The following PLD1 variants were observed in gnomAD, a reference collection of about 807,000 sequenced individuals.
PLD1 encodes the protein choline phosphatase 1.
Under a neutral mutation model 137.1 loss-of-function variants are expected in PLD1, and 112 were observed. The ratio of observed to expected loss-of-function variants is 0.82; its 90% CI spans 0.70 to 0.96. PLD1 has a LOEUF of 0.96. Among genes scored for constraint, PLD1 ranks in the 40% least tolerant of loss-of-function variants. PLD1 has a pLI of 0.00. For missense variants in PLD1, 1,321 were observed against 1,342.0 expected, an observed-to-expected ratio of 0.98 and a Z score of 0.24; for synonymous variants, 431 against 454.7, an observed-to-expected ratio of 0.95 and a Z score of 0.66.
chr3:171,670,808 T>C lies in PLD1; in HGVS notation c.2229+3692A>G, dbSNP rs557360656. Among the ~76,000 whole-genome samples, 12 of 152,356 alleles carry C rather than the reference T, an allele frequency of 7.9e-5. No individual in the cohort carries two copies. In the South Asian group the frequency reaches 2.3e-3, roughly 29 times the overall value. Reference sequence around the variant, plus strand: ...TGATCAAGGTAAAAATTCTGAGCAATGGCTTCTATTTCTATTTAGTGATAA... The same window carrying C: ...TGATCAAGGTAAAAATTCTGAGCAACGGCTTCTATTTCTATTTAGTGATAA... On this transcript the variant is annotated intron_variant, in intron 19 of 26. Coordinates refer to ENST00000351298, the MANE Select transcript of PLD1 (RefSeq NM_002662.5).
chr3:171,735,617 G>A lies in PLD1; in HGVS notation c.309C>T (p.Tyr103=). ...STTRVPSINL[Y]TIELTHGEFK... ...ATTCCCCATGTGTTAATTCAATAGT[G>A]TAAAGATTAATACTTGGTACCTACA... Residue 103 remains tyrosine, a synonymous_variant, in exon 4 of 27, where the codon TAC becomes TAT. Transcript: ENST00000351298. 1.3e-6 allele frequency: 2 copies of A among 1,532,864 alleles called. No homozygotes were observed. The highest frequency in any genetic ancestry group is 1.1e-5 in the South Asian group (1 of 89,318). 95.0% of individuals were successfully genotyped at this position (1,532,864 alleles called of 1,614,324 possible). A position where few individuals can be genotyped will look rare whatever the true frequency, so the allele number is the denominator to read the frequency against.
chr3:171,695,538 A>G (rs1051140453), intron 12 of PLD1, among the ~76,000 whole-genome samples: 1 of 152,242 alleles, frequency 6.6e-6, no homozygotes, highest in Non-Finnish European at 1.5e-5. Context: ...TAGAGCAGAC[A>G]TAACACTATA....
intron 8 of PLD1, among the ~76,000 whole-genome samples, chr3:171,715,912 C>T (rs1717647662): frequency 1.3e-5 from 2 of 148,714 alleles, no homozygotes; most frequent in African/African-American, 4.9e-5. Context: ...TGATCCTTTC[C>T]CTCCTCCCAC....
intron 21 of PLD1, among the ~76,000 whole-genome samples, chr3:171,647,355 A>C (rs1329948279): frequency 6.6e-6 from 1 of 151,972 alleles, no homozygotes; most frequent in East Asian, 1.9e-4. Context: ...TATTACATAC[A>C]TTTTTTTCTT....
chr3:171,730,645 A>C (rs1578371345), intron 6 of PLD1, among the ~76,000 whole-genome samples: 17 of 96,978 alleles, frequency 1.8e-4, no homozygotes, highest in African/African-American at 4.4e-4. Flanking sequence ...ATCTATCTCC[A>C]CTTTTTTTTT....
At chr3:171,621,740 T>A (rs1487593212) in intron 23 of PLD1, among the ~76,000 whole-genome samples, 1 of 152,120 alleles carries the variant, frequency 6.6e-6, no homozygotes, top group African/African-American at 2.4e-5. Flanking sequence ...GTAAATGAGG[T>A]TTTTGCAATT....
chr3:171,714,153 T>G, intron 8 of PLD1, 108 bp from the exon 9 acceptor site: 1 of 656,394 alleles, frequency 1.5e-6, no homozygotes, highest in Non-Finnish European at 2.6e-6. Flanking sequence ...ACTGTAGACA[T>G]AATTACATTT....
In PLD1 at chr3:171,710,474, G is replaced by A. The variant is rs143970674; in HGVS notation, c.912-765C>T. On this transcript the variant is annotated intron_variant, in intron 9 of 26. Coordinates refer to ENST00000351298, the MANE Select transcript of PLD1 (RefSeq NM_002662.5). ...AAGTGATATGATTCTCGTGAGGAGC[G>A]CGCAGCCGAGATCCCGCGCATGTGC... is the stretch of plus-strand genomic sequence containing the variant. Among the ~76,000 whole-genome samples, 974 of 152,264 alleles carry A rather than the reference G, an allele frequency of 6.4e-3. 9 individuals carry two copies. Among genetic ancestry groups the A allele is most frequent in the African/African-American group, 0.022 (931 of 41,542 alleles).
At chr3:171,737,781 G>A (rs138315295) in intron 2 of PLD1, 111 bp downstream of exon 2, 38 of 1,341,228 alleles carry the variant, frequency 2.8e-5, no homozygotes, top group East Asian at 6.9e-5. Flanking sequence ...ATCTGAGCCC[G>A]GTGTTACATC....
chr3:171,757,357 TAAAG>T (rs967868425), intron 1 of PLD1, among the ~76,000 whole-genome samples: 9 of 151,990 alleles, frequency 5.9e-5, no homozygotes, highest in African/African-American at 2.2e-4. Context: ...AACAATCAGA[TAAAG>T]AAAAGAGAAA....
At chr3:171,629,378 G>A (rs1734451024) in intron 23 of PLD1, among the ~76,000 whole-genome samples, 1 of 152,168 alleles carries the variant, frequency 6.6e-6, no homozygotes, top group Non-Finnish European at 1.5e-5. Flanking sequence ...CAAAGAAATG[G>A]AAGAATATTC....
chr3:171,628,135 G>T lies in PLD1; in HGVS notation c.2594-7615C>A, dbSNP rs933018836. On this transcript the variant is annotated intron_variant, in intron 23 of 26. Coordinates refer to ENST00000351298, the MANE Select transcript of PLD1 (RefSeq NM_002662.5). ...CTAGCAAGACTAATAAAGAAGAAAA[G>T]AGAGAAGAATTAAATAGACGCAATA... 3.7e-3 allele frequency among the ~76,000 whole-genome samples: 569 copies of T among 152,216 alleles called. 2 individuals carry two copies. The highest frequency in any genetic ancestry group is 0.013 in the African/African-American group (539 of 41,532).
chr3:171,684,607 T>A (rs1013930416), intron 16 of PLD1, among the ~76,000 whole-genome samples: 1 of 152,198 alleles, frequency 6.6e-6, no homozygotes, highest in African/African-American at 2.4e-5. Flanking sequence ...ATTGTTTTTG[T>A]GTGTGTGAGA....
chr3:171,620,555 T>G (rs202209323), intron 23 of PLD1, 35 bp from the exon 24 acceptor site: 2 of 1,334,180 alleles, frequency 1.5e-6, no homozygotes, highest in Admixed American at 3.4e-5. Flanking sequence ...AAAATTAATA[T>G]GACCAAGCTC....
At chr3:171,789,237 T>C (rs192558736) in intron 1 of PLD1, 1 of 152,372 alleles carries the variant, frequency 6.6e-6, no homozygotes, top group East Asian at 1.9e-4. Flanking sequence ...ACATGGCACG[T>C]TCTGGAACCA....
intron 19 of PLD1, among the ~76,000 whole-genome samples, chr3:171,669,242 C>T (rs1712482279): frequency 6.6e-6 from 1 of 152,128 alleles, no homozygotes; most frequent in South Asian, 2.1e-4. Flanking sequence ...AACTAGGTGC[C>T]CTTCTCCAGA....
At chr3:171,625,976 C>T (rs1402625318) in intron 23 of PLD1, among the ~76,000 whole-genome samples, 1 of 152,216 alleles carries the variant, frequency 6.6e-6, no homozygotes, top group Non-Finnish European at 1.5e-5. Context: ...CAGCTCCTCA[C>T]CAGCAACGGA....
At chr3:171,741,675 A>C (rs1290079925) in intron 1 of PLD1, among the ~76,000 whole-genome samples, 1 of 152,248 alleles carries the variant, frequency 6.6e-6, no homozygotes, top group Non-Finnish European at 1.5e-5. Flanking sequence ...GTATCTGGAA[A>C]GCAAATAAGG....
intron 23 of PLD1, among the ~76,000 whole-genome samples, chr3:171,635,108 C>CT (rs1734998490): frequency 6.6e-6 from 1 of 152,068 alleles, no homozygotes; most frequent in South Asian, 2.1e-4. Flanking sequence ...CAGTTCATGC[C>CT]TTTTTACATC....
Sources: allele counts gnomAD v4.1 joint callset (sites outside exome capture counted in the v4.1 genomes callset), GRCh38; gene constraint gnomAD v4.1.1; transcripts MANE v1.5; gene names NCBI Gene and HGNC (gene_info 2026-07-23, HGNC 2026-07-21).